Variants in RRS1 observed in about 807,000 individuals in gnomAD.
RRS1 encodes ribosome biogenesis regulatory protein homolog.
RRS1 carries 10 observed loss-of-function variants against 23.1 expected under a neutral mutation model. The observed-to-expected ratio is 0.43, with a 90% CI of 0.27 to 0.74. The LOEUF is 0.74. Among genes scored for constraint, RRS1 ranks in the 30% least tolerant of loss-of-function variants. RRS1 has a pLI of 0.19. For missense variants in RRS1, 485 were observed against 484.3 expected, an observed-to-expected ratio of 1.00 and a Z score of -0.01; for synonymous variants, 198 against 207.7, an observed-to-expected ratio of 0.95 and a Z score of 0.40.
At position 66,429,355 on chromosome 8, in the gene RRS1, A is replaced by G. The variant is rs1199287392; in HGVS notation, c.224A>G (p.Gln75Arg). ...GACAACACGCAACTGCTCATCAACC[A>G]GCTGTGGCAGCTGCCCACGGAGCGC... ...ARDNTQLLIN[Q>R]LWQLPTERVE... The change falls in exon 1 of 1, where the codon CAG (glutamine) becomes CGG (arginine). Residue 75 changes from glutamine to arginine, a missense_variant. Transcript: ENST00000320270. The surrounding 1 kb of genome is among the most constrained non-coding windows in gnomAD (Gnocchi z 5.1). 1.3e-6 allele frequency: 2 copies of G among 1,550,828 alleles called. No homozygotes were observed. The highest frequency in any genetic ancestry group is 2.0e-5 in the Admixed American group (1 of 51,010).
Position 66,430,035 on chromosome 8 carries a change from A to C in RRS1, c.904A>C (p.Lys302Gln), listed in dbSNP as rs1246858782. The C allele has an allele frequency of 6.2e-7, 1 of 1,610,704 alleles. No homozygotes were observed. The highest frequency in any genetic ancestry group is 8.5e-7 in the Non-Finnish European group (1 of 1,178,878). The stretch of plus-strand genomic sequence containing the variant: ...GGAGGAGGACCAGGAGGAGGCCGCC[A>C]AGAGGAGGAAAATGAGCCAGAAGGG... ...MREEDQEEAA[K>Q]RRKMSQKGKR... Residue 302 changes from lysine to glutamine, a missense_variant, in exon 1 of 1, where the codon AAG (lysine) becomes CAG (glutamine). Lys to Gln is a moderately conservative substitution (Grantham distance 53). Coordinates refer to ENST00000320270, the MANE Select transcript of RRS1 (RefSeq NM_015169.4).
In RRS1 at chr8:66,430,365, C is replaced by T; in HGVS notation, c.*136C>T. ...GTTTAAAGGGACAGGATTGCCCTTC[C>T]GTCAAGAAAGTATGTAAGTGTTGGA... is the stretch of plus-strand genomic sequence containing the variant. On this transcript the variant is annotated 3_prime_UTR_variant, in exon 1 of 1. Coordinates refer to ENST00000320270, the MANE Select transcript of RRS1 (RefSeq NM_015169.4). The T allele has an allele frequency of 1.1e-6, 1 of 939,768 alleles. No individual in the cohort carries two copies. The allele number at this position is 939,768 out of a possible 1,614,324, so 58.2% of individuals were successfully genotyped here.
In RRS1 at chr8:66,430,043, G is replaced by C; in HGVS notation, c.912G>C (p.Arg304Ser). Reference sequence around the variant, plus strand: ...ACCAGGAGGAGGCCGCCAAGAGGAGGAAAATGAGCCAGAAGGGCAAGAGAA... The same window carrying C: ...ACCAGGAGGAGGCCGCCAAGAGGAGCAAAATGAGCCAGAAGGGCAAGAGAA... ...EEDQEEAAKR[R>S]KMSQKGKRKG... is the part of the protein sequence containing the mutation. Residue 304 changes from arginine (R) to serine (S), a missense_variant, in exon 1 of 1, where the codon AGG becomes AGC. Physicochemically the swap from Arg to Ser is moderately radical, Grantham distance 110. Coordinates refer to ENST00000320270, the MANE Select transcript of RRS1 (RefSeq NM_015169.4). The C allele has an allele frequency of 6.2e-7, 1 of 1,610,670 alleles. No individual in the cohort carries two copies. The highest frequency in any genetic ancestry group is 8.5e-7 in the Non-Finnish European group (1 of 1,178,860).
rs1040905517 is a variant in RRS1, at chr8:66,429,275, C to A, written c.144C>A (p.Thr48=). ...NLLASDRNPP[T]GLRCAGPTPE... is the part of the protein sequence containing the mutation. ...TGGCGTCGGACCGGAACCCCCCGAC[C>A]GGGCTGCGGTGCGCCGGACCCACGC... Residue 48 remains threonine, a synonymous_variant, in exon 1 of 1, where the codon ACC becomes ACA. Transcript: ENST00000320270. This position sits in a 1 kb window ranked among gnomAD's most constrained non-coding sequence, Gnocchi z 5.1. 5 of 1,579,368 alleles carry A rather than the reference C, an allele frequency of 3.2e-6. No individual in the cohort carries two copies. Among genetic ancestry groups the A allele is most frequent in the South Asian group, 1.1e-5 (1 of 87,380 alleles).
rs371751925 is a variant in RRS1, at chr8:66,429,314, A to G, written c.183A>G (p.Leu61=). ...RCAGPTPEAE[L]QALARDNTQL... ...CCGGACCCACGCCGGAGGCCGAGCT[A>G]CAGGCCCTGGCGCGGGACAACACGC... is the stretch of plus-strand genomic sequence containing the variant. Residue 61 remains leucine (L), a synonymous_variant, in exon 1 of 1, where the codon CTA becomes CTG. Coordinates refer to ENST00000320270, the MANE Select transcript of RRS1 (RefSeq NM_015169.4). This position sits in a 1 kb window ranked among gnomAD's most constrained non-coding sequence, Gnocchi z 5.1. 46 of 1,556,726 alleles carry G rather than the reference A, an allele frequency of 3.0e-5. No homozygotes were observed. The highest frequency in any genetic ancestry group is 3.8e-5 in the Non-Finnish European group (44 of 1,150,318).
Position 66,430,201 on chromosome 8 carries a change from A to C in RRS1, c.1070A>C (p.Gln357Pro). The change falls in exon 1 of 1, where the codon CAG becomes CCG. Residue 357 changes from glutamine (Q) to proline (P), a missense_variant. Coordinates refer to ENST00000320270, the MANE Select transcript of RRS1 (RefSeq NM_015169.4). ...PGLGGKRKGG[Q>P]RPGGKRRK is the part of the protein sequence containing the mutation. ...TTGGGTGGCAAGAGAAAAGGAGGAC[A>C]GCGCCCAGGAGGAAAGAGGAGGAAG... 6.2e-7 allele frequency: 1 copy of C among 1,614,218 alleles called. No homozygotes were observed. Among genetic ancestry groups the C allele is most frequent in the Non-Finnish European group, 8.5e-7 (1 of 1,180,042 alleles).
chr8:66,429,265 AC>A lies in RRS1; in HGVS notation c.140del (p.Pro47ArgfsTer42). On this transcript the variant is annotated frameshift_variant, in exon 1 of 1. Transcript: ENST00000320270. LOFTEE classifies it high-confidence loss of function. This position sits in a 1 kb window ranked among gnomAD's most constrained non-coding sequence, Gnocchi z 5.1. ...DLGNLLASDR[N>X]PPTGLRCAGP... Reference sequence around the variant, plus strand: ...GGCAACCTGCTGGCGTCGGACCGGAACCCCCCGACCGGGCTGCGGTGCGCCG... The same window carrying A: ...GGCAACCTGCTGGCGTCGGACCGGAACCCCCGACCGGGCTGCGGTGCGCCG... The A allele has an allele frequency of 6.3e-7, 1 of 1,585,506 alleles. No individual in the cohort carries two copies. Among genetic ancestry groups the A allele is most frequent in the Non-Finnish European group, 8.6e-7 (1 of 1,166,550 alleles).
rs773608257 is a variant in RRS1 at position 66,430,274 on chromosome 8, T to C, written c.*45T>C. 1 of 1,601,224 alleles carries C rather than the reference T, an allele frequency of 6.2e-7. No homozygotes were observed. The highest frequency in any genetic ancestry group is 8.5e-7 in the Non-Finnish European group (1 of 1,172,296). Reference sequence around the variant, plus strand: ...CCGTCTGTAAACCAAGGACTATGAATACTAAATGTTAAGTTCTAGGCAATT... The same window carrying C: ...CCGTCTGTAAACCAAGGACTATGAACACTAAATGTTAAGTTCTAGGCAATT... On this transcript the variant is annotated 3_prime_UTR_variant, in exon 1 of 1. Transcript: ENST00000320270.
chr8:66,429,386 AGAGGC>A lies in RRS1; in HGVS notation c.258_262del (p.Glu86AspfsTer72). The stretch of plus-strand genomic sequence containing the variant: ...GGCAGCTGCCCACGGAGCGCGTGGA[AGAGGC>A]GATAGTGGCGCGGCTGCCGGAGCCC... On this transcript the variant is annotated frameshift_variant, in exon 1 of 1. Coordinates refer to ENST00000320270, the MANE Select transcript of RRS1 (RefSeq NM_015169.4). LOFTEE classifies it high-confidence loss of function. This position sits in a 1 kb window ranked among gnomAD's most constrained non-coding sequence, Gnocchi z 5.1. The A allele has an allele frequency of 6.4e-7, 1 of 1,550,450 alleles. No homozygotes were observed. Among genetic ancestry groups the A allele is most frequent in the Non-Finnish European group, 8.7e-7 (1 of 1,146,948 alleles).
In RRS1 at chr8:66,429,127, G is replaced by C; in HGVS notation, c.-5G>C. The C allele has an allele frequency of 6.3e-7, 1 of 1,599,816 alleles. No homozygotes were observed. Among genetic ancestry groups the C allele is most frequent in the South Asian group, 1.1e-5 (1 of 90,250 alleles). On this transcript the variant is annotated 5_prime_UTR_variant, in exon 1 of 1. Transcript: ENST00000320270. This position sits in a 1 kb window ranked among gnomAD's most constrained non-coding sequence, Gnocchi z 5.1. ...GCCCCAAAGCGAGTGAGCCGAGCCG[G>C]AGCCATGGAGGGCCAGAGCGTGGAG...
chr8:66,430,008 A>T lies in RRS1; in HGVS notation c.877A>T (p.Arg293Trp), dbSNP rs1805191139. 1.2e-6 allele frequency: 2 copies of T among 1,612,560 alleles called. No homozygotes were observed. The highest frequency in any genetic ancestry group is 2.7e-5 in the African/African-American group (2 of 74,726). ...GACTAGGGCCACCAATAAGCAGATG[A>T]GGGAGGAGGACCAGGAGGAGGCCGC... ...DVTRATNKQM[R>W]EEDQEEAAKR... Residue 293 changes from arginine (R) to tryptophan (W), a missense_variant, in exon 1 of 1, where the codon AGG (arginine) becomes TGG (tryptophan). By Grantham distance (101) the Arg-to-Trp change is moderately radical (BLOSUM62 -3). Transcript: ENST00000320270.
chr8:66,430,581 CGT>C lies in RRS1; in HGVS notation c.*353_*354del. The C allele has an allele frequency of 4.0e-6, 1 of 247,210 alleles. No homozygotes were observed. 15.3% of individuals were successfully genotyped at this position (247,210 alleles called of 1,614,324 possible). ...GCCATATTTCAGAGACTTAGATTGA[CGT>C]ATATGTTTCTGCATTATTTTTACAA... On this transcript the variant is annotated 3_prime_UTR_variant, in exon 1 of 1. Transcript: ENST00000320270.
rs1233413724 is a variant in RRS1, at chr8:66,429,890, G to A, written c.759G>A (p.Lys253=). 6.2e-7 allele frequency: 1 copy of A among 1,614,114 alleles called. No homozygotes were observed. Among genetic ancestry groups the A allele is most frequent in the East Asian group, 2.2e-5 (1 of 44,864 alleles). Residue 253 remains lysine, a synonymous_variant, in exon 1 of 1, where the codon AAG becomes AAA. Transcript: ENST00000320270. This position sits in a 1 kb window ranked among gnomAD's most constrained non-coding sequence, Gnocchi z 5.1. The part of the protein sequence containing the change: ...KVPRGSGKKR[K]FQPLFGDFAA... ...CCCGGGGCTCCGGCAAGAAAAGGAA[G>A]TTTCAACCCCTTTTCGGGGACTTTG... is the stretch of plus-strand genomic sequence containing the variant.
At position 66,430,349 on chromosome 8, in the gene RRS1, G is replaced by GCAATCCTGTCCCTTT; in HGVS notation, c.*120_*121insCAATCCTGTCCCTTT. On this transcript the variant is annotated 3_prime_UTR_variant, in exon 1 of 1. Transcript: ENST00000320270. ...CCGCTGCCTTCATTGAGTTTAAAGG[G>GCAATCCTGTCCCTTT]ACAGGATTGCCCTTCCGTCAAGAAA... 1.8e-6 allele frequency: 2 copies of GCAATCCTGTCCCTTT among 1,082,162 alleles called. No individual in the cohort carries two copies. Among genetic ancestry groups the GCAATCCTGTCCCTTT allele is most frequent in the Non-Finnish European group, 2.7e-6 (2 of 738,846 alleles). 67.0% of individuals were successfully genotyped at this position (1,082,162 alleles called of 1,614,324 possible).
At position 66,430,321 on chromosome 8, in the gene RRS1, T is replaced by C; in HGVS notation, c.*92T>C. ...AATTATACGGGGACTCAGAAGGACC[T>C]GGCCGCTGCCTTCATTGAGTTTAAA... On this transcript the variant is annotated 3_prime_UTR_variant, in exon 1 of 1. Coordinates refer to ENST00000320270, the MANE Select transcript of RRS1 (RefSeq NM_015169.4). 7.2e-7 allele frequency: 1 copy of C among 1,386,766 alleles called. No homozygotes were observed. The highest frequency in any genetic ancestry group is 2.1e-4 in the Middle Eastern group (1 of 4,662). 85.9% of individuals were successfully genotyped at this position (1,386,766 alleles called of 1,614,324 possible).
In RRS1 at chr8:66,430,309, C is replaced by A; in HGVS notation, c.*80C>A. On this transcript the variant is annotated 3_prime_UTR_variant, in exon 1 of 1. Transcript: ENST00000320270. Reference sequence around the variant, plus strand: ...TAAGTTCTAGGCAATTATACGGGGACTCAGAAGGACCTGGCCGCTGCCTTC... The same window carrying A: ...TAAGTTCTAGGCAATTATACGGGGAATCAGAAGGACCTGGCCGCTGCCTTC... The A allele has an allele frequency of 1.4e-6, 2 of 1,472,502 alleles. No homozygotes were observed. Among genetic ancestry groups the A allele is most frequent in the Non-Finnish European group, 1.9e-6 (2 of 1,076,050 alleles). 91.2% of individuals were successfully genotyped at this position (1,472,502 alleles called of 1,614,324 possible).
In RRS1 at chr8:66,429,152, G is replaced by A. The variant is rs2130296726; in HGVS notation, c.21G>A (p.Glu7=). 2 of 1,610,990 alleles carry A rather than the reference G, an allele frequency of 1.2e-6. No individual in the cohort carries two copies. The highest frequency in any genetic ancestry group is 2.2e-5 in the East Asian group (1 of 44,786). The change falls in exon 1 of 1, where the codon GAG becomes GAA. Residue 7 remains glutamate, a synonymous_variant. Transcript: ENST00000320270. This position sits in a 1 kb window ranked among gnomAD's most constrained non-coding sequence, Gnocchi z 5.1. The part of the protein sequence containing the change: MEGQSV[E]ELLAKAEQDE... ...GAGCCATGGAGGGCCAGAGCGTGGA[G>A]GAGCTGCTCGCAAAGGCAGAGCAGG...
Position 66,429,933 on chromosome 8 carries a change from C to T in RRS1, c.802C>T (p.Gln268Ter), listed in dbSNP as rs760473657. The change falls in exon 1 of 1, where the codon CAG becomes TAG. Residue 268 changes from glutamine (Q) to a stop codon, truncating the protein, a stop_gained. Coordinates refer to ENST00000320270, the MANE Select transcript of RRS1 (RefSeq NM_015169.4). LOFTEE classifies it high-confidence loss of function. The surrounding 1 kb of genome is among the most constrained non-coding windows in gnomAD (Gnocchi z 5.1). The part of the protein sequence containing the change: ...FGDFAAEKKN[Q>*]LELLRVMNSK... Reference sequence around the variant, plus strand: ...GGACTTTGCAGCCGAGAAAAAGAACCAGTTGGAGCTGCTTCGTGTCATGAA... The same window carrying T: ...GGACTTTGCAGCCGAGAAAAAGAACTAGTTGGAGCTGCTTCGTGTCATGAA... The T allele has an allele frequency of 1.2e-6, 2 of 1,614,112 alleles. No individual in the cohort carries two copies. The highest frequency in any genetic ancestry group is 1.3e-5 in the African/African-American group (1 of 75,038).
Position 66,429,569 on chromosome 8 carries a change from C to T in RRS1, c.438C>T (p.Tyr146=). The T allele has an allele frequency of 1.9e-6, 3 of 1,612,338 alleles. No homozygotes were observed. Among genetic ancestry groups the T allele is most frequent in the South Asian group, 2.2e-5 (2 of 91,024 alleles). Residue 146 remains tyrosine, a synonymous_variant, in exon 1 of 1, where the codon TAC becomes TAT. Coordinates refer to ENST00000320270, the MANE Select transcript of RRS1 (RefSeq NM_015169.4). This position sits in a 1 kb window ranked among gnomAD's most constrained non-coding sequence, Gnocchi z 5.1. ...GCCAGTGGCGGCGGCGCTGGGGCTACCAGCGCGCCCGGGACGACACCAAAG... is the reference window on the plus strand; with the variant it reads ...GCCAGTGGCGGCGGCGCTGGGGCTATCAGCGCGCCCGGGACGACACCAAAG... ...VSGQWRRRWG[Y]QRARDDTKEW...
Sources: allele counts gnomAD v4.1 joint callset, GRCh38; gene constraint gnomAD v4.1.1; non-coding constraint Gnocchi (gnomAD v3.1); transcripts MANE v1.5; gene names NCBI Gene and HGNC (gene_info 2026-07-23, HGNC 2026-07-21).